Variants in RPS6KA6 observed in about 807,000 individuals in gnomAD.
RPS6KA6 encodes ribosomal protein S6 kinase alpha-6.
A neutral mutation model predicts 65.4 loss-of-function variants in RPS6KA6; 27 were observed. That is an observed-to-expected ratio of 0.41 (90% CI 0.30 to 0.57). The LOEUF (loss-of-function observed/expected upper bound fraction) is 0.57, where lower values mean the gene tolerates loss of function less well. Among genes scored for constraint, RPS6KA6 ranks in the 20% least tolerant of loss-of-function variants. The pLI is 0.24. For synonymous variants in RPS6KA6, 190 were observed against 184.2 expected (o/e 1.03, Z -0.26); for missense variants, 486 against 555.6 (o/e 0.87, Z 1.26).
At chrX:84,096,461 T>C (rs996860625) in intron 19 of RPS6KA6, 150 bp from the exon 20 acceptor site, 2 of 315,704 alleles carry the variant, frequency 6.3e-6, no homozygotes, top group Admixed American at 5.8e-5. Context: ...AAATTTTATA[T>C]TTCAAACCAT....
At position 84,102,178 on chromosome X, in the gene RPS6KA6, T is replaced by C. The variant is rs758424542; in HGVS notation, c.1635A>G (p.Lys545=). 7 of 1,132,650 alleles carry C rather than the reference T, an allele frequency of 6.2e-6. No homozygotes were observed. The highest frequency in any genetic ancestry group is 7.1e-6 in the Non-Finnish European group (6 of 845,531). The allele number at this position is 1,132,650 out of a possible 1,213,427, so 93.3% of individuals were successfully genotyped here. ...HCQGVVHRDL[K]PSNILYMDES... is the part of the protein sequence containing the mutation. ...CATCCATGTATAAAATATTACTAGG[T>C]TTAAGATCACGATGAACAACCTTGA... The change falls in exon 18 of 22, where the codon AAA becomes AAG. Residue 545 remains lysine (K), a synonymous_variant. Transcript: ENST00000262752.
chrX:84,112,089 A>C (rs184313444), intron 12 of RPS6KA6, among the ~76,000 whole-genome samples: 2 of 112,142 alleles, frequency 1.8e-5, no homozygotes, highest in East Asian at 5.6e-4. Context: ...AGGCAAAGAA[A>C]GGCATTATAT....
chrX:84,065,026 C>T lies in RPS6KA6; in HGVS notation c.2057G>A (p.Arg686Lys), dbSNP rs2033369729. Residue 686 changes from arginine (R) to lysine (K), a missense_variant, in exon 21 of 22, where the codon AGA (arginine) becomes AAA (lysine). Transcript: ENST00000262752. ...QILKHSWITHRDQLPNDQPKR... is the reference protein window; with the variant it reads ...QILKHSWITHKDQLPNDQPKR... The stretch of plus-strand genomic sequence containing the variant: ...TGGCTGATCATTTGGCAACTGGTCT[C>T]TGTGAGTTATCCATGAGTGCTTTAA... 8.3e-7 allele frequency: 1 copy of T among 1,203,391 alleles called. No homozygotes were observed. Among genetic ancestry groups the T allele is most frequent in the Non-Finnish European group, 1.1e-6 (1 of 888,730 alleles).
chrX:84,143,840 T>C (rs1357380865), intron 6 of RPS6KA6, among the ~76,000 whole-genome samples: 1 of 111,441 alleles, frequency 9.0e-6, no homozygotes, highest in East Asian at 2.8e-4. Context: ...GATAGACAAA[T>C]GGATCAATGA....
In RPS6KA6 at chrX:84,104,490, A is replaced by T; in HGVS notation, c.1614+9T>A. On this transcript the variant is annotated intron_variant, in intron 17 of 21. Transcript: ENST00000262752. ...CAGAATAGAAAGAAAAAAGTTAACTACAACTTACTCCTTGACAATGAAGAT... is the reference window on the plus strand; with the variant it reads ...CAGAATAGAAAGAAAAAAGTTAACTTCAACTTACTCCTTGACAATGAAGAT... 10 of 1,097,151 alleles carry T rather than the reference A, an allele frequency of 9.1e-6. No homozygotes were observed. Among genetic ancestry groups the T allele is most frequent in the Non-Finnish European group, 1.2e-5 (10 of 833,197 alleles). The allele number at this position is 1,097,151 out of a possible 1,213,427, so 90.4% of individuals were successfully genotyped here.
intron 20 of RPS6KA6, among the ~76,000 whole-genome samples, chrX:84,078,785 T>A (rs2033719130): frequency 9.0e-6 from 1 of 111,273 alleles, no homozygotes; most frequent in South Asian, 3.8e-4. Flanking sequence ...TGGAAGATTA[T>A]AAATTGAAGA....
intron 20 of RPS6KA6, among the ~76,000 whole-genome samples, chrX:84,095,280 T>C (rs1256696919): frequency 8.9e-6 from 1 of 112,559 alleles, no homozygotes; most frequent in African/African-American, 3.2e-5. Context: ...ATTACTTTTG[T>C]CATAAAATGT....
At chrX:84,077,879 T>C (rs1419940708) in intron 20 of RPS6KA6, among the ~76,000 whole-genome samples, 1 of 112,140 alleles carries the variant, frequency 8.9e-6, no homozygotes, top group Non-Finnish European at 1.9e-5. Context: ...GAATGTATAT[T>C]GATTTCACTC....
At chrX:84,086,549 T>C (rs1252770172) in intron 20 of RPS6KA6, among the ~76,000 whole-genome samples, 1 of 110,297 alleles carries the variant, frequency 9.1e-6, no homozygotes, top group East Asian at 2.8e-4. Context: ...TTTTTCTTTT[T>C]TTTTGCATTT....
chrX:84,137,027 G>C (rs377624863), intron 6 of RPS6KA6, among the ~76,000 whole-genome samples: 2 of 111,854 alleles, frequency 1.8e-5, no homozygotes, highest in South Asian at 7.4e-4. Flanking sequence ...TACCAATAAT[G>C]CTTTCCAACC....
intron 17 of RPS6KA6, among the ~76,000 whole-genome samples, chrX:84,103,050 C>G (rs186344574): frequency 1.3e-3 from 142 of 111,164 alleles, no homozygotes; most frequent in African/African-American, 4.4e-3. Context: ...GAAAATTACC[C>G]ACTTAAACAA....
chrX:84,186,215 C>A, intron 1 of RPS6KA6: 1 of 441,905 alleles, frequency 2.3e-6, no homozygotes, highest in Non-Finnish European at 4.0e-6. Flanking sequence ...CAATTTAAAA[C>A]ATACTACATT....
At chrX:84,065,164 T>A in intron 20 of RPS6KA6, 53 bp from the exon 21 acceptor site, 1 of 889,769 alleles carries the variant, frequency 1.1e-6, no homozygotes, top group East Asian at 3.4e-5. Context: ...ACATACATAA[T>A]TTTACATTTG....
intron 20 of RPS6KA6, among the ~76,000 whole-genome samples, chrX:84,076,713 C>T (rs2033670200): frequency 9.0e-6 from 1 of 111,274 alleles, no homozygotes; most frequent in Admixed American, 9.6e-5. Context: ...AAAATAAATG[C>T]TTACACTCAA....
chrX:84,144,867 AT>A (rs1391493204), intron 6 of RPS6KA6, among the ~76,000 whole-genome samples: 1 of 111,098 alleles, frequency 9.0e-6, no homozygotes, highest in Non-Finnish European at 1.9e-5. Context: ...CTATTAGTAC[AT>A]ACAACATAGA....
intron 20 of RPS6KA6, among the ~76,000 whole-genome samples, chrX:84,072,927 T>C (rs2033579436): frequency 2.7e-5 from 3 of 111,650 alleles, no homozygotes; most frequent in Admixed American, 1.9e-4. Flanking sequence ...TTTTCATGAA[T>C]AGCAATAATT....
intron 2 of RPS6KA6, among the ~76,000 whole-genome samples, chrX:84,159,950 C>A (rs774842582): frequency 9.0e-6 from 1 of 111,091 alleles, no homozygotes; most frequent in South Asian, 3.8e-4. Flanking sequence ...ACCCTGCCAA[C>A]ACCTTGATCT....
chrX:84,145,640 G>A, intron 5 of RPS6KA6, 83 bp from the exon 6 acceptor site: 1 of 487,854 alleles, frequency 2.0e-6, no homozygotes, highest in Non-Finnish European at 3.3e-6. Flanking sequence ...TATATGTTTA[G>A]AATTTTACAG....
intron 18 of RPS6KA6, among the ~76,000 whole-genome samples, chrX:84,098,839 G>T (rs2034205880): frequency 9.0e-6 from 1 of 110,795 alleles, no homozygotes; most frequent in African/African-American, 3.3e-5. Context: ...GGGTAAAGAG[G>T]ATATAAAAGC....
Sources: gnomAD v4.1 joint callset for allele counts (sites outside exome capture counted in the v4.1 genomes callset) on GRCh38, gnomAD v4.1.1 for gene constraint, MANE v1.5 for transcripts, NCBI Gene and HGNC (gene_info 2026-07-23, HGNC 2026-07-21) for gene names.